Variants in SGCD observed in about 807,000 individuals in gnomAD.
The protein encoded by SGCD is sarcoglycan delta.
In SGCD, 18 loss-of-function variants were observed where a neutral mutation model predicts 36.6. The ratio of observed to expected loss-of-function variants is 0.49; its 90% CI spans 0.34 to 0.73. The LOEUF is 0.73. Ranked by LOEUF, SGCD falls within the 30% of genes least tolerant of loss-of-function variation. The probability of loss-of-function intolerance (pLI) is 0.01; values close to 1 mark genes in which losing one functional copy is unlikely to be tolerated. For synonymous variants in SGCD, 133 were observed against 130.6 expected, an observed-to-expected ratio of 1.02 and a Z score of -0.12; for missense variants, 387 against 346.7, an observed-to-expected ratio of 1.12 and a Z score of -0.92.
chr5:156,240,830 A>C (rs1266705168), intron 3 of SGCD, among the ~76,000 whole-genome samples: 1 of 152,234 alleles, frequency 6.6e-6, no homozygotes, highest in Non-Finnish European at 1.5e-5. Context: ...AAAACAAACA[A>C]AACCAAAAGC....
chr5:156,219,536 A>T (rs948058289), intron 3 of SGCD, among the ~76,000 whole-genome samples: 3 of 152,086 alleles, frequency 2.0e-5, no homozygotes, highest in Non-Finnish European at 2.9e-5. Flanking sequence ...TTGAGAAAAA[A>T]TTTTTTCACA....
intron 3 of SGCD, among the ~76,000 whole-genome samples, chr5:156,127,110 G>GTGTGTGTT (rs1762191196): frequency 6.6e-6 from 1 of 152,106 alleles, no homozygotes; most frequent in African/African-American, 2.4e-5. Context: ...TAGTGTGTGT[G>GTGTGTGTT]TATGTGTATA....
intron 3 of SGCD, among the ~76,000 whole-genome samples, chr5:156,434,357 A>G (rs1561692914): frequency 6.6e-6 from 1 of 152,196 alleles, no homozygotes. Flanking sequence ...CAAGCATACC[A>G]TTTATTAAAC....
intron 1 of SGCD, among the ~76,000 whole-genome samples, chr5:156,102,906 T>C (rs1421925328): frequency 1.3e-5 from 2 of 152,208 alleles, no homozygotes; most frequent in Non-Finnish European, 2.9e-5. Flanking sequence ...TTGACATACA[T>C]ATTTTTTCTT....
At chr5:156,203,521 C>A (rs61314270) in intron 3 of SGCD, among the ~76,000 whole-genome samples, 2,202 of 152,164 alleles carry the variant, frequency 0.014, 56 homozygotes, top group African/African-American at 0.05. Context: ...TTGTATGTCC[C>A]GACCACTTAT....
At chr5:155,982,158 G>A (rs77862531) in intron 1 of SGCD, among the ~76,000 whole-genome samples, 3,127 of 152,210 alleles carry the variant, frequency 0.021, 120 homozygotes, top group African/African-American at 0.071. Flanking sequence ...CCTTGAAGGC[G>A]CTATGAGAGA....
At chr5:155,754,699 A>G in the SGCD span, among the ~76,000 whole-genome samples, 2 of 152,212 alleles carry the variant, frequency 1.3e-5, no homozygotes, top group African/African-American at 4.8e-5. Context: ...TTGAAGAGTG[A>G]ATTTTATTTT....
intron 3 of SGCD, among the ~76,000 whole-genome samples, chr5:156,353,548 A>G (rs17053462): frequency 0.15 from 23,017 of 152,164 alleles, 2,452 homozygotes; most frequent in African/African-American, 0.3. Context: ...AAGTGATATT[A>G]TTGGCATTAG....
chr5:156,346,146 G>A (rs1281506134), intron 3 of SGCD, among the ~76,000 whole-genome samples: 1 of 151,904 alleles, frequency 6.6e-6, no homozygotes, highest in East Asian at 1.9e-4. Context: ...ATAAACCAAG[G>A]TTACAGATAC....
At chr5:156,191,295 G>A (rs766272626) in intron 3 of SGCD, among the ~76,000 whole-genome samples, 5 of 152,030 alleles carry the variant, frequency 3.3e-5, no homozygotes, top group Non-Finnish European at 5.9e-5. Flanking sequence ...CCAGTTCCTC[G>A]AATCAAGATG....
intron 1 of SGCD, among the ~76,000 whole-genome samples, chr5:155,924,129 T>C (rs1434823736): frequency 6.6e-6 from 1 of 152,190 alleles, no homozygotes; most frequent in Non-Finnish European, 1.5e-5. Flanking sequence ...GTCCTTCTTG[T>C]TATTGTCTTC....
chr5:156,703,242 T>C (rs1305636214), intron 7 of SGCD, among the ~76,000 whole-genome samples: 2 of 152,026 alleles, frequency 1.3e-5, no homozygotes, highest in Non-Finnish European at 2.9e-5. Context: ...TTCTTCACAG[T>C]TATTGCTAAC....
intron 5 of SGCD, among the ~76,000 whole-genome samples, chr5:156,591,776 G>T (rs555552368): frequency 1.3e-5 from 2 of 152,240 alleles, no homozygotes; most frequent in East Asian, 3.9e-4. Flanking sequence ...GTGACCTCCT[G>T]AGCTGTCTCC....
chr5:155,837,723 C>T, the SGCD span, among the ~76,000 whole-genome samples: 1 of 152,188 alleles, frequency 6.6e-6, no homozygotes, highest in African/African-American at 2.4e-5. Flanking sequence ...AGAACACAAG[C>T]TGTAACATAA....
At chr5:156,139,364 G>GC (rs71577189) in intron 3 of SGCD, among the ~76,000 whole-genome samples, 82,239 of 151,888 alleles carry the variant, frequency 0.54, 23,387 homozygotes, top group African/African-American at 0.72. Context: ...GGCTTTTACA[G>GC]TTCAAATTCA....
At chr5:156,526,319 C>T (rs762236160) in intron 4 of SGCD, among the ~76,000 whole-genome samples, 25 of 152,162 alleles carry the variant, frequency 1.6e-4, no homozygotes, top group Non-Finnish European at 3.4e-4. Context: ...TGAATAGGTT[C>T]CATTGATAAA....
At chr5:156,278,047 G>A (rs144425855) in intron 3 of SGCD, among the ~76,000 whole-genome samples, 17 of 152,308 alleles carry the variant, frequency 1.1e-4, no homozygotes, top group East Asian at 9.6e-4. Flanking sequence ...ATCAGATTGC[G>A]TTGTAAGGAA....
chr5:155,813,116 A>G, the SGCD span, among the ~76,000 whole-genome samples: 1 of 151,948 alleles, frequency 6.6e-6, no homozygotes. Flanking sequence ...TAGTAAGCAA[A>G]AAAAAGGGCT....
chr5:155,850,038 CTGTT>C, the SGCD span, among the ~76,000 whole-genome samples: 1 of 152,134 alleles, frequency 6.6e-6, no homozygotes, highest in African/African-American at 2.4e-5. Flanking sequence ...TTGTTATTTG[CTGTT>C]TGTTTAATTG....
Sources: allele counts gnomAD v4.1 joint callset (sites outside exome capture counted in the v4.1 genomes callset), GRCh38; gene constraint gnomAD v4.1.1; transcripts MANE v1.5; gene names NCBI Gene and HGNC (gene_info 2026-07-23, HGNC 2026-07-21).